UNC80: variants seen among roughly 807,000 people sequenced by gnomAD.
UNC80 encodes unc-80 subunit of NALCN channel complex, also known as protein unc-80 homolog.
Under a neutral mutation model 384.6 loss-of-function variants are expected in UNC80, and 164 were observed. The ratio of observed to expected loss-of-function variants is 0.43; its 90% confidence interval spans 0.38 to 0.49. The LOEUF is 0.49. UNC80 is among the 20% of genes least tolerant of loss of function. The pLI, the probability that UNC80 is intolerant of heterozygous loss-of-function variation, is 0.00. For synonymous variants in UNC80, 1,486 were observed against 1,527.8 expected, an observed-to-expected ratio of 0.97 and a Z score of 0.64; for missense variants, 3,330 against 4,143.0, an observed-to-expected ratio of 0.80 and a Z score of 5.39.
rs2091753137 is a variant in UNC80, at chr2:209,943,481, G to A, written c.7017G>A (p.Leu2339=). 6.4e-7 allele frequency: 1 copy of A among 1,551,788 alleles called. No homozygotes were observed. Among genetic ancestry groups the A allele is most frequent in the Non-Finnish European group, 8.7e-7 (1 of 1,146,972 alleles). Residue 2339 remains leucine (L), a synonymous_variant, in exon 45 of 65, where the codon CTG becomes CTA. Coordinates refer to ENST00000673920, the MANE Select transcript of UNC80 (RefSeq NM_001371986.1). ...ACCGGAAGCCCTTTGTGCTCCAGCT[G>A]TTTGCTAGTGTGGCCCCTCTCCTGG... is the stretch of plus-strand genomic sequence containing the variant. ...ILHRKPFVLQ[L]FASVAPLLEF... is the part of the protein sequence containing the mutation.
intron 12 of UNC80, among the ~76,000 whole-genome samples, chr2:209,819,787 G>A (rs2080011159): frequency 6.6e-6 from 1 of 152,016 alleles, no homozygotes; most frequent in Non-Finnish European, 1.5e-5. Flanking sequence ...TCCTGGCTTA[G>A]CAAATAATTT....
rs1406693484 is a variant in UNC80, at chr2:209,978,556, C to T, written c.8966C>T (p.Thr2989Ile). 1 of 1,550,636 alleles carries T rather than the reference C, an allele frequency of 6.4e-7. No homozygotes were observed. Among genetic ancestry groups the T allele is most frequent in the African/African-American group, 1.4e-5 (1 of 73,036 alleles). Residue 2989 changes from threonine to isoleucine, a missense_variant, in exon 59 of 65, where the codon ACC becomes ATC. This residue lies in a region of UNC80 where 216 missense variants were observed against 245.3 expected (regional missense o/e 0.88). Transcript: ENST00000673920. Reference sequence around the variant, plus strand: ...TACCAAGGCAAGACATCCATCAGTACCGTGGGCACCTCCACCTCTGCTTAC... The same window carrying T: ...TACCAAGGCAAGACATCCATCAGTATCGTGGGCACCTCCACCTCTGCTTAC... ...SAYQGKTSIS[T>I]VGTSTSAYRL...
chr2:209,828,518 T>C (rs898039018), intron 14 of UNC80, among the ~76,000 whole-genome samples: 2 of 152,032 alleles, frequency 1.3e-5, no homozygotes, highest in Non-Finnish European at 2.9e-5. Context: ...TTTTTTTCTC[T>C]CTCAAAATTT....
At chr2:209,858,134 C>T (rs1168142117) in intron 22 of UNC80, among the ~76,000 whole-genome samples, 2 of 152,082 alleles carry the variant, frequency 1.3e-5, no homozygotes, top group East Asian at 1.9e-4. Context: ...ATGACAAATA[C>T]GTTCATTTGT....
In UNC80 at chr2:209,976,861, C is replaced by A; in HGVS notation, c.8773-52C>A. The A allele has an allele frequency of 1.4e-6, 2 of 1,461,972 alleles. No individual in the cohort carries two copies. The highest frequency in any genetic ancestry group is 1.3e-5 in the South Asian group (1 of 74,278). 90.6% of individuals were successfully genotyped at this position (1,461,972 alleles called of 1,614,324 possible). A position where few individuals can be genotyped will look rare whatever the true frequency, so the allele number is the denominator to read the frequency against. Reference sequence around the variant, plus strand: ...AATGAAATAGGTACAGCAATTAGCCCATTTTATGGATGGAAAATTGAGGCC... The same window carrying A: ...AATGAAATAGGTACAGCAATTAGCCAATTTTATGGATGGAAAATTGAGGCC... On this transcript the variant is annotated intron_variant, in intron 57 of 64. Transcript: ENST00000673920. This position sits in a 1 kb window ranked among gnomAD's most constrained non-coding sequence, Gnocchi z 4.3.
intron 7 of UNC80, chr2:209,809,684 C>T (rs2079190844): frequency 3.8e-6 from 2 of 531,512 alleles, no homozygotes; most frequent in African/African-American, 1.9e-5. Context: ...CCTCATGCCA[C>T]AGAATTCCCT....
intron 34 of UNC80, 26 bp downstream of exon 34, chr2:209,921,712 G>A (rs1356960432): frequency 3.3e-6 from 5 of 1,516,442 alleles, no homozygotes; most frequent in Non-Finnish European, 3.5e-6. Flanking sequence ...AGGACTTCTT[G>A]GGGGGCTGAG....
At chr2:209,858,704 AAAAG>A (rs1489784110) in intron 22 of UNC80, among the ~76,000 whole-genome samples, 5 of 151,648 alleles carry the variant, frequency 3.3e-5, no homozygotes, top group Non-Finnish European at 7.4e-5. Context: ...CAAAAAAAAA[AAAAG>A]AAAGAAAAAA....
At chr2:209,987,837 A>G (rs958821350) in intron 61 of UNC80, among the ~76,000 whole-genome samples, 15 of 152,216 alleles carry the variant, frequency 9.9e-5, no homozygotes, top group Admixed American at 8.5e-4. Flanking sequence ...CTTTCAAAGC[A>G]TAAAAACTTG....
chr2:209,778,387 G>T (rs1013835294), intron 4 of UNC80, among the ~76,000 whole-genome samples: 2 of 151,808 alleles, frequency 1.3e-5, no homozygotes, highest in Non-Finnish European at 2.9e-5. Flanking sequence ...GTGACAAAGC[G>T]AGACTCTGTC....
intron 21 of UNC80, among the ~76,000 whole-genome samples, chr2:209,845,572 G>C (rs1354329620): frequency 6.6e-6 from 1 of 152,134 alleles, no homozygotes; most frequent in East Asian, 1.9e-4. Flanking sequence ...TATTCATAGA[G>C]CCAGATTCTA....
In UNC80 at chr2:209,829,342, T is replaced by C; in HGVS notation, c.2589T>C (p.His863=). Residue 863 remains histidine, a synonymous_variant, in exon 15 of 65, where the codon CAT becomes CAC. Transcript: ENST00000673920. ...DSLNNVVDFL[H]ALLGFCMEPV... is the part of the protein sequence containing the mutation. The stretch of plus-strand genomic sequence containing the variant: ...TCAATAATGTAGTGGACTTCTTGCA[T>C]GCTTTGCTAGGATTTTGTATGGAGC... 1.9e-6 allele frequency: 3 copies of C among 1,551,358 alleles called. No homozygotes were observed. The highest frequency in any genetic ancestry group is 2.6e-6 in the Non-Finnish European group (3 of 1,146,742).
At chr2:209,829,497 C>G in intron 15 of UNC80, 118 bp downstream of exon 15, 1 of 1,050,526 alleles carries the variant, frequency 9.5e-7, no homozygotes, top group Non-Finnish European at 1.4e-6. Flanking sequence ...CGTATGTGTC[C>G]ATGCATGTGT....
chr2:209,991,622 T>A (rs2093393342), intron 61 of UNC80, among the ~76,000 whole-genome samples: 1 of 152,196 alleles, frequency 6.6e-6, no homozygotes, highest in African/African-American at 2.4e-5. Flanking sequence ...AAAACATTTG[T>A]TTACCCATGT....
chr2:209,794,703 G>C (rs548860105), intron 7 of UNC80: 5 of 429,642 alleles, frequency 1.2e-5, no homozygotes, highest in Non-Finnish European at 2.3e-5. Flanking sequence ...TGCTATTCTC[G>C]ATAGTGAGTA....
chr2:209,955,236 C>T (rs1266686972), intron 48 of UNC80, among the ~76,000 whole-genome samples: 1 of 152,100 alleles, frequency 6.6e-6, no homozygotes, highest in Non-Finnish European at 1.5e-5. Flanking sequence ...GCACCAACTC[C>T]CCCAGCCCCA....
rs1380068280 is a variant in UNC80 at position 209,996,518 on chromosome 2, G to A, written c.*923G>A. 7.9e-5 allele frequency: 12 copies of A among 152,320 alleles called. No homozygotes were observed. The highest frequency in any genetic ancestry group is 7.8e-4 in the Admixed American group (12 of 15,308). 9.4% of individuals were successfully genotyped at this position (152,320 alleles called of 1,614,324 possible). A position where few individuals can be genotyped will look rare whatever the true frequency, so the allele number is the denominator to read the frequency against. ...TGGAGGGCATATTTTCAGATATTAA[G>A]GTTAGTGTTGTTAGAATCGGTTTAA... On this transcript the variant is annotated 3_prime_UTR_variant, in exon 65 of 65. Coordinates refer to ENST00000673920, the MANE Select transcript of UNC80 (RefSeq NM_001371986.1).
chr2:209,958,233 G>A (rs1017246211), intron 49 of UNC80, among the ~76,000 whole-genome samples: 5 of 152,082 alleles, frequency 3.3e-5, no homozygotes, highest in Non-Finnish European at 7.4e-5. Flanking sequence ...CTCAGATACT[G>A]GCTATACTAG....
chr2:209,945,751 G>A (rs990408196), intron 46 of UNC80, 96 bp from the exon 47 acceptor site: 25 of 773,570 alleles, frequency 3.2e-5, no homozygotes, highest in Non-Finnish European at 4.8e-5. Flanking sequence ...AAAGGCTACA[G>A]TATATACTGG....
Sources: gnomAD v4.1 joint callset for allele counts (sites outside exome capture counted in the v4.1 genomes callset) on GRCh38, gnomAD v4.1.1 for gene constraint, gnomAD v4.1.1 regional missense constraint, Gnocchi (gnomAD v3.1) non-coding constraint, MANE v1.5 for transcripts, NCBI Gene and HGNC (gene_info 2026-07-23, HGNC 2026-07-21) for gene names.